Variants in ICA1L observed in about 807,000 individuals in gnomAD.
ICA1L encodes the protein islet cell autoantigen 1 like.
In ICA1L, 50 loss-of-function variants were observed where a neutral mutation model predicts 61.3. That is an observed-to-expected ratio of 0.82 (90% CI 0.65 to 1.03). ICA1L has a LOEUF of 1.03. ICA1L is among the 50% of genes least tolerant of loss of function. The pLI, the probability that ICA1L is intolerant of heterozygous loss-of-function variation, is 0.00. For missense variants in ICA1L, 508 were observed against 556.7 expected, an observed-to-expected ratio of 0.91 and a Z score of 0.88; for synonymous variants, 161 against 191.3, an observed-to-expected ratio of 0.84 and a Z score of 1.31.
At chr2:202,864,381 C>A (rs1559152601) in intron 1 of ICA1L, among the ~76,000 whole-genome samples, 1 of 152,036 alleles carries the variant, frequency 6.6e-6, no homozygotes, top group Non-Finnish European at 1.5e-5. Context: ...GTAGCTGAGA[C>A]TACAGGCACC....
chr2:202,867,519 T>A (rs1311673981), intron 1 of ICA1L, among the ~76,000 whole-genome samples: 1 of 152,226 alleles, frequency 6.6e-6, no homozygotes, highest in Non-Finnish European at 1.5e-5. Flanking sequence ...AATAAAAATA[T>A]GCTATTACAA....
Position 202,789,054 on chromosome 2 carries a change from C to T in ICA1L, c.1019G>A (p.Gly340Glu). 1 of 1,612,724 alleles carries T rather than the reference C, an allele frequency of 6.2e-7. No individual in the cohort carries two copies. Among genetic ancestry groups the T allele is most frequent in the Non-Finnish European group, 8.5e-7 (1 of 1,179,164 alleles). Residue 340 changes from glycine to glutamate, a missense_variant, in exon 11 of 13, where the codon GGA (glycine) becomes GAA (glutamate). By Grantham distance (98) the Gly-to-Glu change is moderately conservative (BLOSUM62 -2). Transcript: ENST00000358299. Reference protein sequence around the residue: ...AKDLPVDSLEGEDFEKEFSFL... With the variant: ...AKDLPVDSLEEEDFEKEFSFL... ...TGAGAATTCCTTCTCAAAATCTTCT[C>T]CTTCCAATGAATCTACAGGTAGATC...
intron 9 of ICA1L, among the ~76,000 whole-genome samples, chr2:202,806,111 C>A (rs1693217549): frequency 6.6e-6 from 1 of 152,176 alleles, no homozygotes; most frequent in South Asian, 2.1e-4. Context: ...AAAGCTCCAG[C>A]CAGCCAGCCA....
intron 1 of ICA1L, among the ~76,000 whole-genome samples, chr2:202,863,567 G>C (rs1238442843): frequency 6.6e-6 from 1 of 152,128 alleles, no homozygotes; most frequent in Non-Finnish European, 1.5e-5. Flanking sequence ...GCTCACGCCT[G>C]TAATCCCAGC....
At chr2:202,840,326 G>C in intron 1 of ICA1L, 1 of 474,368 alleles carries the variant, frequency 2.1e-6, no homozygotes, top group Non-Finnish European at 4.1e-6. Flanking sequence ...AGCTGCTGCA[G>C]CTGTTCACTT....
At chr2:202,816,209 G>A (rs750779025) in intron 6 of ICA1L, among the ~76,000 whole-genome samples, 200 bp from the exon 7 acceptor site, 3 of 152,186 alleles carry the variant, frequency 2.0e-5, no homozygotes, top group Non-Finnish European at 2.9e-5. Context: ...GTGTCTGCAC[G>A]TGTGGGAGTT....
At chr2:202,793,894 G>A (rs1006836902) in intron 10 of ICA1L, among the ~76,000 whole-genome samples, 3 of 151,360 alleles carry the variant, frequency 2.0e-5, no homozygotes, top group Non-Finnish European at 2.9e-5. Context: ...GCTGAGGCAG[G>A]AGAATTGCTT....
intron 1 of ICA1L, among the ~76,000 whole-genome samples, chr2:202,847,713 A>ATATATATATATATATATAT (rs1242055604): frequency 7.5e-5 from 11 of 147,440 alleles, no homozygotes; most frequent in African/African-American, 1.3e-4. Context: ...ATATATAGTT[A>ATATATATATATATATATAT]AGCAGTGAGA....
intron 1 of ICA1L, among the ~76,000 whole-genome samples, chr2:202,860,687 G>T (rs938957401): frequency 6.6e-6 from 1 of 151,888 alleles, no homozygotes; most frequent in Non-Finnish European, 1.5e-5. Context: ...GGGACACGGA[G>T]ATTACAGTGT....
At chr2:202,797,965 C>T (rs753779539) in intron 9 of ICA1L, among the ~76,000 whole-genome samples, 4 of 152,190 alleles carry the variant, frequency 2.6e-5, no homozygotes, top group African/African-American at 9.6e-5. Flanking sequence ...CAACTACCTA[C>T]CACTCTACTC....
chr2:202,789,733 G>A (rs1025170926), intron 10 of ICA1L, among the ~76,000 whole-genome samples: 2 of 152,122 alleles, frequency 1.3e-5, no homozygotes, highest in Non-Finnish European at 2.9e-5. Flanking sequence ...ATGGACTTTC[G>A]GAAAAATAAT....
intron 5 of ICA1L, among the ~76,000 whole-genome samples, chr2:202,817,961 G>A (rs780135513): frequency 2.0e-5 from 3 of 152,142 alleles, no homozygotes; most frequent in African/African-American, 7.2e-5. Context: ...AATTCCAGTA[G>A]AGGCCTATTA....
At chr2:202,861,931 GCCT>G (rs1340616165) in intron 1 of ICA1L, among the ~76,000 whole-genome samples, 4 of 118,968 alleles carry the variant, frequency 3.4e-5, no homozygotes, top group Admixed American at 8.4e-5. Context: ...TTTTAAGCAA[GCCT>G]CCGCCTTTTT....
intron 2 of ICA1L, among the ~76,000 whole-genome samples, chr2:202,826,451 A>G (rs760043443): frequency 3.3e-5 from 5 of 152,126 alleles, no homozygotes; most frequent in Admixed American, 1.3e-4. Flanking sequence ...ACAAGCAAGC[A>G]TAAGTTTTAC....
chr2:202,792,672 G>A (rs1008533892), intron 10 of ICA1L, among the ~76,000 whole-genome samples: 3 of 152,092 alleles, frequency 2.0e-5, no homozygotes, highest in Non-Finnish European at 2.9e-5. Flanking sequence ...CGGGCATGGT[G>A]ACACACGCCT....
At position 202,788,970 on chromosome 2, in the gene ICA1L, C is replaced by T; in HGVS notation, c.1103G>A (p.Cys368Tyr). The T allele has an allele frequency of 6.2e-7, 1 of 1,614,110 alleles. No homozygotes were observed. The highest frequency in any genetic ancestry group is 8.5e-7 in the Non-Finnish European group (1 of 1,180,014). Residue 368 changes from cysteine (C) to tyrosine (Y), a missense_variant, in exon 11 of 13, where the codon TGC becomes TAC. By Grantham distance (194) the Cys-to-Tyr change is radical (BLOSUM62 -2). Transcript: ENST00000358299. ...SSSTSEFTQE[C>Y]QTAFGSPSAS... ...ACTGGGGCTCCCAAAGGCAGTCTGG[C>T]ATTCTTGGGTAAATTCACTAGTACT...
chr2:202,867,205 T>A (rs1458856605), intron 1 of ICA1L, among the ~76,000 whole-genome samples: 1 of 152,062 alleles, frequency 6.6e-6, no homozygotes, highest in African/African-American at 2.4e-5. Context: ...AATAAGAAAA[T>A]CTCATTTTAA....
At chr2:202,840,856 C>A in intron 1 of ICA1L, 1 of 639,136 alleles carries the variant, frequency 1.6e-6, no homozygotes, top group South Asian at 1.5e-5. Flanking sequence ...TCTGGTTCAT[C>A]CCAGATCTCA....
intron 10 of ICA1L, among the ~76,000 whole-genome samples, chr2:202,795,919 T>G (rs1241457744): frequency 6.6e-6 from 1 of 152,090 alleles, no homozygotes; most frequent in Non-Finnish European, 1.5e-5. Flanking sequence ...GGCGCACGCC[T>G]GTAATCCCGG....
Sources: gnomAD v4.1 joint callset for allele counts (sites outside exome capture counted in the v4.1 genomes callset) on GRCh38, gnomAD v4.1.1 for gene constraint, MANE v1.5 for transcripts, NCBI Gene and HGNC (gene_info 2026-07-23, HGNC 2026-07-21) for gene names.